Variants in LHCGR observed in about 807,000 individuals in gnomAD.
LHCGR encodes the protein luteinizing hormone/choriogonadotropin receptor.
LHCGR carries 55 observed loss-of-function variants against 60.7 expected under a neutral mutation model. The ratio of observed to expected loss-of-function variants is 0.91; its 90% CI spans 0.73 to 1.13. The LOEUF is 1.13. LHCGR is among the 50% of genes most tolerant of loss of function. The probability of loss-of-function intolerance (pLI) is 0.00; values close to 1 mark genes in which losing one functional copy is unlikely to be tolerated. For synonymous variants in LHCGR, 337 were observed against 316.5 expected, an observed-to-expected ratio of 1.06 and a Z score of -0.69; for missense variants, 862 against 836.0, an observed-to-expected ratio of 1.03 and a Z score of -0.38.
intron 8 of LHCGR, among the ~76,000 whole-genome samples, chr2:48,707,455 T>C (rs1667746679): frequency 6.6e-6 from 1 of 152,248 alleles, no homozygotes; most frequent in African/African-American, 2.4e-5. Flanking sequence ...TTCAGAGCTG[T>C]CAGGCAGGGA....
intron 8 of LHCGR, among the ~76,000 whole-genome samples, chr2:48,704,010 T>A (rs1667536597): frequency 1.3e-5 from 2 of 152,210 alleles, no homozygotes; most frequent in Admixed American, 6.5e-5. Context: ...TTTGGTATGA[T>A]ATTGGCTGTG....
In LHCGR at chr2:48,687,974, A is replaced by C. The variant is rs1679984925; in HGVS notation, c.1823T>G (p.Leu608Arg). 6.2e-7 allele frequency: 1 copy of C among 1,614,106 alleles called. No homozygotes were observed. The highest frequency in any genetic ancestry group is 8.5e-7 in the Non-Finnish European group (1 of 1,180,038). Reference sequence around the variant, plus strand: ...AGAATTGATGGGATAAAAAAGAACCAGTAAAACTTTAGAGTTGGTTACTGT... The same window carrying C: ...AGAATTGATGGGATAAAAAAGAACCCGTAAAACTTTAGAGTTGGTTACTGT... Reference protein sequence around the residue: ...LITVTNSKVLLVLFYPINSCA... With the variant: ...LITVTNSKVLRVLFYPINSCA... Residue 608 changes from leucine (L) to arginine (R), a missense_variant, in exon 11 of 11, where the codon CTG becomes CGG. By Grantham distance (102) the Leu-to-Arg change is moderately radical. Transcript: ENST00000294954.
intron 10 of LHCGR, among the ~76,000 whole-genome samples, chr2:48,692,079 T>C (rs1291795474): frequency 6.6e-6 from 1 of 152,132 alleles, no homozygotes; most frequent in Non-Finnish European, 1.5e-5. Context: ...AGAATCACCA[T>C]GGTGTTTGTT....
chr2:48,709,867 A>C (rs1419495493), intron 7 of LHCGR, among the ~76,000 whole-genome samples: 1 of 152,174 alleles, frequency 6.6e-6, no homozygotes, highest in Non-Finnish European at 1.5e-5. Context: ...GGGAGCTAGA[A>C]GAGGAATCCC....
At chr2:48,755,375 G>A in intron 1 of LHCGR, 136 bp downstream of exon 1, 1 of 633,452 alleles carries the variant, frequency 1.6e-6, no homozygotes. Context: ...TAAAACGTGG[G>A]GGAAATTTGA....
At chr2:48,707,242 T>G (rs1267079070) in intron 8 of LHCGR, among the ~76,000 whole-genome samples, 1 of 152,228 alleles carries the variant, frequency 6.6e-6, no homozygotes, top group Admixed American at 6.5e-5. Context: ...ACAGCAAGTA[T>G]TGCTGACTGA....
chr2:48,687,874 A>G lies in LHCGR; in HGVS notation c.1923T>C (p.Phe641=). The G allele has an allele frequency of 1.2e-6, 2 of 1,614,204 alleles. No homozygotes were observed. Among genetic ancestry groups the G allele is most frequent in the African/African-American group, 2.7e-5 (2 of 75,058 alleles). Reference sequence around the variant, plus strand: ...GTTCAGCCCGACGTTTACAGCAGCCAAATTTGCTCAGCAAAAGAAAGAAAT... The same window carrying G: ...GTTCAGCCCGACGTTTACAGCAGCCGAATTTGCTCAGCAAAAGAAAGAAAT... ...QRDFFLLLSK[F]GCCKRRAELY... is the part of the protein sequence containing the mutation. The change falls in exon 11 of 11, where the codon TTT becomes TTC. Residue 641 remains phenylalanine (F), a synonymous_variant. Coordinates refer to ENST00000294954, the MANE Select transcript of LHCGR (RefSeq NM_000233.4).
intron 1 of LHCGR, among the ~76,000 whole-genome samples, chr2:48,745,446 C>G (rs1471324350): frequency 2.6e-5 from 4 of 151,962 alleles, no homozygotes; most frequent in Non-Finnish European, 5.9e-5. Flanking sequence ...GGAACCAAGC[C>G]AAATGTCCAA....
chr2:48,722,194 G>A (rs977756069), intron 6 of LHCGR, among the ~76,000 whole-genome samples: 6 of 152,224 alleles, frequency 3.9e-5, no homozygotes, highest in South Asian at 2.1e-4. Flanking sequence ...TGAATGGTAC[G>A]GCAGTGGAGG....
chr2:48,745,173 G>A (rs969227342), intron 1 of LHCGR, among the ~76,000 whole-genome samples: 37 of 152,214 alleles, frequency 2.4e-4, no homozygotes, highest in African/African-American at 3.4e-4. Flanking sequence ...TTAGAATGGC[G>A]ATCATTAAAA....
At chr2:48,740,013 G>T (rs1216273421) in intron 1 of LHCGR, among the ~76,000 whole-genome samples, 2 of 152,184 alleles carry the variant, frequency 1.3e-5, no homozygotes, top group African/African-American at 4.8e-5. Flanking sequence ...GCAGGGCGAG[G>T]CATCACCTCA....
At chr2:48,742,093 A>G (rs78223510) in intron 1 of LHCGR, among the ~76,000 whole-genome samples, 33,982 of 151,252 alleles carry the variant, frequency 0.22, 4,071 homozygotes, top group Middle Eastern at 0.31. Context: ...AAGAGACAAA[A>G]AAGGCCATTA....
Position 48,698,591 on chromosome 2 carries a change from C to G in LHCGR, c.866+24G>C, listed in dbSNP as rs375609114. On this transcript the variant is annotated intron_variant, in intron 9 of 10. Transcript: ENST00000294954. ...GAATTTCTGCCACAGCTTGGGTAGG[C>G]TTTACCTTTTGGTTTCTACTTACTC... 6.2e-5 allele frequency: 99 copies of G among 1,600,858 alleles called. No homozygotes were observed. The African/African-American group carries it at 1.3e-3, about 20-fold the overall frequency.
chr2:48,687,810 A>T lies in LHCGR; in HGVS notation c.1987T>A (p.Cys663Ser). 3 of 1,614,180 alleles carry T rather than the reference A, an allele frequency of 1.9e-6. No individual in the cohort carries two copies. The South Asian group carries it at 3.3e-5, about 18-fold the overall frequency. Residue 663 changes from cysteine (C) to serine (S), a missense_variant, in exon 11 of 11, where the codon TGC (cysteine) becomes AGC (serine). Cys to Ser is a moderately radical substitution (Grantham distance 112). Transcript: ENST00000294954. Reference sequence around the variant, plus strand: ...TTTGATCCAGTGAAGCCATTTTTGCAGTTGGAGGTGTAAGCTGAAAAATCT... The same window carrying T: ...TTTGATCCAGTGAAGCCATTTTTGCTGTTGGAGGTGTAAGCTGAAAAATCT... ...RKDFSAYTSN[C>S]KNGFTGSNKP... is the part of the protein sequence containing the mutation.
At chr2:48,719,415 A>G (rs1474600188) in intron 6 of LHCGR, among the ~76,000 whole-genome samples, 4 of 152,132 alleles carry the variant, frequency 2.6e-5, no homozygotes, top group Admixed American at 6.5e-5. Flanking sequence ...CTTTCCAGAC[A>G]TCACTTCTCT....
chr2:48,734,257 G>A (rs4952922), intron 1 of LHCGR, among the ~76,000 whole-genome samples: 3 of 152,028 alleles, frequency 2.0e-5, no homozygotes, highest in Non-Finnish European at 2.9e-5. Flanking sequence ...AAGAAATTAC[G>A]GAGATATAAT....
At chr2:48,747,704 G>T (rs1039907732) in intron 1 of LHCGR, among the ~76,000 whole-genome samples, 1 of 151,390 alleles carries the variant, frequency 6.6e-6, no homozygotes, top group Non-Finnish European at 1.5e-5. Flanking sequence ...CTTTTGCTAA[G>T]ATGCCAGATA....
intron 1 of LHCGR, among the ~76,000 whole-genome samples, chr2:48,753,724 T>C (rs1407047199): frequency 6.6e-6 from 1 of 152,100 alleles, no homozygotes; most frequent in Non-Finnish European, 1.5e-5. Flanking sequence ...AAAAGCTGAA[T>C]TGAAAAGGAA....
At chr2:48,693,436 G>A (rs1315596772) in intron 10 of LHCGR, among the ~76,000 whole-genome samples, 1 of 152,040 alleles carries the variant, frequency 6.6e-6, no homozygotes, top group African/African-American at 2.4e-5. Context: ...CAAAGTCCAG[G>A]GTCATTCCAC....
Sources: gnomAD v4.1 joint callset for allele counts (sites outside exome capture counted in the v4.1 genomes callset) on GRCh38, gnomAD v4.1.1 for gene constraint, MANE v1.5 for transcripts, NCBI Gene and HGNC (gene_info 2026-07-23, HGNC 2026-07-21) for gene names.